Variants in KIRREL3 observed in about 807,000 individuals in gnomAD.
KIRREL3 encodes kirre like nephrin family adhesion molecule 3.
A neutral mutation model predicts 89.7 loss-of-function variants in KIRREL3; 36 were observed. That is an observed-to-expected ratio of 0.40 (90% confidence interval 0.31 to 0.53). The LOEUF (loss-of-function observed/expected upper bound fraction) is 0.53, where lower values mean the gene tolerates loss of function less well. Ranked by LOEUF, KIRREL3 falls within the 20% of genes least tolerant of loss-of-function variation. The pLI is 0.49. For missense variants in KIRREL3, 864 were observed against 1,056.6 expected (o/e 0.82, Z 2.53); for synonymous variants, 445 against 441.4 (o/e 1.01, Z -0.10).
rs1203315289 is a variant in KIRREL3, at chr11:126,768,189, C to T, written c.56-205277G>A. On this transcript the variant is annotated intron_variant, in intron 1 of 16. Coordinates refer to ENST00000525144, the MANE Select transcript of KIRREL3 (RefSeq NM_032531.4). The surrounding 1 kb of genome is among the most constrained non-coding windows in gnomAD (Gnocchi z 4.5). ...CCATCCAATCCATCCATCCATCCATCCATCCATCCATCCATCCATCCATCC... is the reference window on the plus strand; with the variant it reads ...CCATCCAATCCATCCATCCATCCATTCATCCATCCATCCATCCATCCATCC... Among the ~76,000 whole-genome samples, 1 of 150,368 alleles carries T rather than the reference C, an allele frequency of 6.7e-6. No homozygotes were observed. The highest frequency in any genetic ancestry group is 1.5e-5 in the Non-Finnish European group (1 of 67,794).
intron 1 of KIRREL3, among the ~76,000 whole-genome samples, chr11:126,794,060 CA>C (rs2134368122): frequency 6.6e-6 from 1 of 152,282 alleles, no homozygotes; most frequent in East Asian, 1.9e-4. Flanking sequence ...AAGGCTAAAA[CA>C]CTGAAAATAT....
rs1944727305 is a variant in KIRREL3, at chr11:126,647,298, T to G, written c.56-84386A>C. 6.6e-6 allele frequency among the ~76,000 whole-genome samples: 1 copy of G among 152,172 alleles called. No homozygotes were observed. The highest frequency in any genetic ancestry group is 1.5e-5 in the Non-Finnish European group (1 of 68,026). ...GAAATCAGAATAAGCTCCCAAGCCTTGCATGCCCGTTTTAATTAACTTGTC... is the reference window on the plus strand; with the variant it reads ...GAAATCAGAATAAGCTCCCAAGCCTGGCATGCCCGTTTTAATTAACTTGTC... On this transcript the variant is annotated intron_variant, in intron 1 of 16. Coordinates refer to ENST00000525144, the MANE Select transcript of KIRREL3 (RefSeq NM_032531.4). The surrounding 1 kb of genome is among the most constrained non-coding windows in gnomAD (Gnocchi z 4.9).
chr11:126,943,920 G>T lies in KIRREL3; in HGVS notation c.55+56535C>A. On this transcript the variant is annotated intron_variant, in intron 1 of 16. Coordinates refer to ENST00000525144, the MANE Select transcript of KIRREL3 (RefSeq NM_032531.4). The surrounding 1 kb of genome is among the most constrained non-coding windows in gnomAD (Gnocchi z 4.2). ...TAATTTAGATATTGATGCAGTTCGG[G>T]ACATACCAAAATATGTCACCTTGGC... Among the ~76,000 whole-genome samples the T allele has an allele frequency of 6.6e-6, 1 of 152,162 alleles. No individual in the cohort carries two copies. The highest frequency in any genetic ancestry group is 1.9e-4 in the East Asian group (1 of 5,194).
chr11:126,839,470 G>A (rs1943890061), intron 1 of KIRREL3, among the ~76,000 whole-genome samples: 1 of 152,210 alleles, frequency 6.6e-6, no homozygotes, highest in South Asian at 2.1e-4. Flanking sequence ...GGGGGCTGGA[G>A]GAAAAGGGGT....
Position 126,664,805 on chromosome 11 carries a change from A to C in KIRREL3, c.56-101893T>G, listed in dbSNP as rs1379791176. ...CTAACCCTGGCTGCAGCCTCATGGC[A>C]CTACTTCCTCATCTATGAACCTCTT... is the stretch of plus-strand genomic sequence containing the variant. On this transcript the variant is annotated intron_variant, in intron 1 of 16. Coordinates refer to ENST00000525144, the MANE Select transcript of KIRREL3 (RefSeq NM_032531.4). This position sits in a 1 kb window ranked among gnomAD's most constrained non-coding sequence, Gnocchi z 5.4. Among the ~76,000 whole-genome samples the C allele has an allele frequency of 6.6e-6, 1 of 152,088 alleles. No individual in the cohort carries two copies. The highest frequency in any genetic ancestry group is 1.5e-5 in the Non-Finnish European group (1 of 68,010).
chr11:126,705,298 G>A lies in KIRREL3; in HGVS notation c.56-142386C>T, dbSNP rs1947485152. Among the ~76,000 whole-genome samples, 1 of 152,196 alleles carries A rather than the reference G, an allele frequency of 6.6e-6. No individual in the cohort carries two copies. Among genetic ancestry groups the A allele is most frequent in the Non-Finnish European group, 1.5e-5 (1 of 68,032 alleles). Reference sequence around the variant, plus strand: ...TGTGATCCCCAGTATTGAAGGTGGGGCCTGGTGGGAGGTGATTGGGTCATG... The same window carrying A: ...TGTGATCCCCAGTATTGAAGGTGGGACCTGGTGGGAGGTGATTGGGTCATG... On this transcript the variant is annotated intron_variant, in intron 1 of 16. Transcript: ENST00000525144. This position sits in a 1 kb window ranked among gnomAD's most constrained non-coding sequence, Gnocchi z 4.3.
At chr11:126,692,285 C>T (rs1946906888) in intron 1 of KIRREL3, among the ~76,000 whole-genome samples, 1 of 152,012 alleles carries the variant, frequency 6.6e-6, no homozygotes, top group Non-Finnish European at 1.5e-5. Flanking sequence ...TGGTTCAGGC[C>T]TGTAATCCTA....
intron 1 of KIRREL3, among the ~76,000 whole-genome samples, chr11:126,958,285 C>G (rs1025598724): frequency 6.6e-6 from 1 of 152,104 alleles, no homozygotes; most frequent in African/African-American, 2.4e-5. Flanking sequence ...TGGAGATGTC[C>G]CCAGAGGAGC....
At chr11:126,646,464 G>T (rs937029594) in intron 1 of KIRREL3, among the ~76,000 whole-genome samples, 1 of 145,172 alleles carries the variant, frequency 6.9e-6, no homozygotes, top group Non-Finnish European at 1.5e-5. Context: ...CTAAATTTGT[G>T]CCCCAAGTAT....
chr11:126,642,764 G>A lies in KIRREL3; in HGVS notation c.56-79852C>T, dbSNP rs924058765. Among the ~76,000 whole-genome samples the A allele has an allele frequency of 6.6e-6, 1 of 152,156 alleles. No individual in the cohort carries two copies. The highest frequency in any genetic ancestry group is 1.5e-5 in the Non-Finnish European group (1 of 68,020). On this transcript the variant is annotated intron_variant, in intron 1 of 16. Coordinates refer to ENST00000525144, the MANE Select transcript of KIRREL3 (RefSeq NM_032531.4). This position sits in a 1 kb window ranked among gnomAD's most constrained non-coding sequence, Gnocchi z 4.9. ...AACAGCCTTCTGGAGGCAGGGGGAT[G>A]GATGAAAGAATGTCTTTATGTCCCT... is the stretch of plus-strand genomic sequence containing the variant.
rs1030983388 is a variant in KIRREL3, at chr11:126,696,746, G to A, written c.56-133834C>T. ...GCCACACCGTCTTCCTGCAGGCACCGCCAGTGGACACACCGAACACCCCTC... is the reference window on the plus strand; with the variant it reads ...GCCACACCGTCTTCCTGCAGGCACCACCAGTGGACACACCGAACACCCCTC... On this transcript the variant is annotated intron_variant, in intron 1 of 16. Transcript: ENST00000525144. This position sits in a 1 kb window ranked among gnomAD's most constrained non-coding sequence, Gnocchi z 4.4. Among the ~76,000 whole-genome samples the A allele has an allele frequency of 6.6e-6, 1 of 152,142 alleles. No individual in the cohort carries two copies. The highest frequency in any genetic ancestry group is 2.1e-4 in the South Asian group (1 of 4,826).
At chr11:126,894,640 T>A (rs1424103766) in intron 1 of KIRREL3, among the ~76,000 whole-genome samples, 2 of 146,510 alleles carry the variant, frequency 1.4e-5, no homozygotes, top group Non-Finnish European at 3.0e-5. Flanking sequence ...TAGTCTCAGC[T>A]ACTCAGGAGG....
intron 1 of KIRREL3, among the ~76,000 whole-genome samples, chr11:126,572,254 C>A (rs1565561459): frequency 6.6e-6 from 1 of 152,224 alleles, no homozygotes; most frequent in Non-Finnish European, 1.5e-5. Flanking sequence ...TTCCCCAGCC[C>A]CTACAGTTCT....
rs1330359049 is a variant in KIRREL3, at chr11:126,635,956, C to T, written c.56-73044G>A. 1.3e-5 allele frequency among the ~76,000 whole-genome samples: 2 copies of T among 152,142 alleles called. No individual in the cohort carries two copies. The highest frequency in any genetic ancestry group is 2.9e-5 in the Non-Finnish European group (2 of 68,022). ...TGGGTCATGGGCAGGGCCAGCAGGC[C>T]TACAGGTAGCGGGAGGGATCAGTGG... On this transcript the variant is annotated intron_variant, in intron 1 of 16. Coordinates refer to ENST00000525144, the MANE Select transcript of KIRREL3 (RefSeq NM_032531.4). This position sits in a 1 kb window ranked among gnomAD's most constrained non-coding sequence, Gnocchi z 4.0.
At chr11:126,707,104 C>T (rs950941558) in intron 1 of KIRREL3, among the ~76,000 whole-genome samples, 6 of 152,074 alleles carry the variant, frequency 3.9e-5, no homozygotes, top group African/African-American at 1.4e-4. Context: ...CAGGTGCATG[C>T]CACCACATTG....
At chr11:126,801,380 A>C (rs1241358517) in intron 1 of KIRREL3, among the ~76,000 whole-genome samples, 1 of 152,196 alleles carries the variant, frequency 6.6e-6, no homozygotes, top group African/African-American at 2.4e-5. Context: ...ATGTTGCCAT[A>C]GGTACAGTCA....
rs530891619 is a variant in KIRREL3 at position 126,668,093 on chromosome 11, A to G, written c.56-105181T>C. ...TGTGTCTTAGTCAGTTTCGGCTATA[A>G]CAAAACACCATAAACTGGGTGGTTT... On this transcript the variant is annotated intron_variant, in intron 1 of 16. Coordinates refer to ENST00000525144, the MANE Select transcript of KIRREL3 (RefSeq NM_032531.4). The surrounding 1 kb of genome is among the most constrained non-coding windows in gnomAD (Gnocchi z 4.4). Among the ~76,000 whole-genome samples the G allele has an allele frequency of 1.3e-5, 2 of 152,318 alleles. No homozygotes were observed. The highest frequency in any genetic ancestry group is 1.3e-4 in the Admixed American group (2 of 15,310).
At chr11:126,701,044 C>T (rs192694804) in intron 1 of KIRREL3, among the ~76,000 whole-genome samples, 4 of 152,178 alleles carry the variant, frequency 2.6e-5, no homozygotes, top group South Asian at 2.1e-4. Context: ...CCTGAACATA[C>T]GTCAGTGTCT....
intron 1 of KIRREL3, among the ~76,000 whole-genome samples, chr11:126,842,461 A>G (rs754140481): frequency 6.6e-6 from 1 of 151,990 alleles, no homozygotes; most frequent in Non-Finnish European, 1.5e-5. Flanking sequence ...CTTCCTTCTC[A>G]CCATAAGCAT....
Sources: gnomAD v4.1 joint callset for allele counts (sites outside exome capture counted in the v4.1 genomes callset) on GRCh38, gnomAD v4.1.1 for gene constraint, Gnocchi (gnomAD v3.1) non-coding constraint, MANE v1.5 for transcripts, NCBI Gene and HGNC (gene_info 2026-07-23, HGNC 2026-07-21) for gene names.